Variants in HARBI1 observed in about 807,000 individuals in gnomAD.
HARBI1 encodes harbinger transposase derived 1, also known as putative nuclease HARBI1.
A neutral mutation model predicts 25.3 loss-of-function variants in HARBI1; 15 were observed. That is an observed-to-expected ratio of 0.59 (90% CI 0.40 to 0.91). The LOEUF is 0.91. HARBI1 is among the 40% of genes least tolerant of loss of function. The pLI, the probability that HARBI1 is intolerant of heterozygous loss-of-function variation, is 0.00. For missense variants in HARBI1, 396 were observed against 445.8 expected (o/e 0.89, Z 1.01); for synonymous variants, 168 against 160.5 (o/e 1.05, Z -0.35).
At position 46,615,727 on chromosome 11, in the gene HARBI1, G is replaced by GTTTAAAGGCTCCTATGTGA; in HGVS notation, c.510_511insTCACATAGGAGCCTTTAAA (p.Leu171SerfsTer6). 1 of 1,614,168 alleles carries GTTTAAAGGCTCCTATGTGA rather than the reference G, an allele frequency of 6.2e-7. No individual in the cohort carries two copies. The highest frequency in any genetic ancestry group is 8.5e-7 in the Non-Finnish European group (1 of 1,180,044). ...ACCATCAGGCAGTTTAAAGAATGCA[G>GTTTAAAGGCTCCTATGTGA]GCCTTTTCGGTTCACATAGGAGAGG... On this transcript the variant is annotated stop_gained and frameshift_variant, in exon 2 of 3. Transcript: ENST00000326737. LOFTEE classifies it high-confidence loss of function.
Position 46,616,673 on chromosome 11 carries a change from C to T in HARBI1, c.-144-292G>A, listed in dbSNP as rs571572755. 6.2e-5 allele frequency: 62 copies of T among 999,586 alleles called. 1 individual carries two copies. The South Asian group carries it at 2.4e-3, about 38-fold the overall frequency. The allele number at this position is 999,586 out of a possible 1,614,324, so 61.9% of individuals were successfully genotyped here. On this transcript the variant is annotated intron_variant, in intron 1 of 2. Coordinates refer to ENST00000326737, the MANE Select transcript of HARBI1 (RefSeq NM_173811.4). ...TTATTCACAAGGTAAAAGAGGTCGG[C>T]TTCTAACTATATAGGCCAAGAAGCA...
Position 46,605,748 on chromosome 11 carries a change from C to A in HARBI1, c.671-1839G>T, listed in dbSNP as rs563850927. 5.3e-5 allele frequency among the ~76,000 whole-genome samples: 8 copies of A among 151,658 alleles called. 1 individual carries two copies. Among genetic ancestry groups the A allele is most frequent in the African/African-American group, 1.9e-4 (8 of 41,314 alleles). On this transcript the variant is annotated intron_variant, in intron 2 of 2. Transcript: ENST00000326737. ...GACTACAGGCACACGCCACCACGCCCGGCTAATTTTTTGTGTTTTTAGTAG... is the reference window on the plus strand; with the variant it reads ...GACTACAGGCACACGCCACCACGCCAGGCTAATTTTTTGTGTTTTTAGTAG...
intron 1 of HARBI1, chr11:46,616,582 G>A (rs1348085060): frequency 9.5e-7 from 1 of 1,047,142 alleles, no homozygotes; most frequent in Non-Finnish European, 1.2e-6. Context: ...TTCAATCTTT[G>A]TGGCTCATTT....
chr11:46,607,288 CTTA>C (rs2044993904), intron 2 of HARBI1, among the ~76,000 whole-genome samples: 1 of 149,976 alleles, frequency 6.7e-6, no homozygotes, highest in Admixed American at 6.7e-5. Context: ...AAGATTATCT[CTTA>C]TTATGCAATC....
intron 1 of HARBI1, 115 bp from the exon 2 acceptor site, chr11:46,616,496 T>C: frequency 1.6e-6 from 2 of 1,266,560 alleles, no homozygotes; most frequent in Non-Finnish European, 2.0e-6. Context: ...AAACGTACTG[T>C]ACTTACAACT....
chr11:46,612,811 T>C (rs931108437), intron 2 of HARBI1, among the ~76,000 whole-genome samples: 27 of 146,750 alleles, frequency 1.8e-4, no homozygotes, highest in African/African-American at 6.6e-4. Flanking sequence ...GCTGAGATTA[T>C]AGGTGCCTGC....
At chr11:46,608,299 A>AAACAACAAC (rs527494685) in intron 2 of HARBI1, among the ~76,000 whole-genome samples, 6 of 151,856 alleles carry the variant, frequency 4.0e-5, no homozygotes, top group Admixed American at 6.6e-5. Context: ...ACTCCATCTC[A>AAACAACAAC]AACAACAACA....
chr11:46,603,448 G>A lies in HARBI1; in HGVS notation c.*82C>T, dbSNP rs1242659252. ...AGTATCTGTATACTCAGTCATGCTA[G>A]ATGATGGAACTGTGTAAAAGGTGAT... On this transcript the variant is annotated 3_prime_UTR_variant, in exon 3 of 3. Transcript: ENST00000326737. 5.8e-6 allele frequency: 7 copies of A among 1,201,394 alleles called. No individual in the cohort carries two copies. The African/African-American group carries it at 6.1e-5, about 10-fold the overall frequency. The allele number at this position is 1,201,394 out of a possible 1,614,324, so 74.4% of individuals were successfully genotyped here.
At chr11:46,609,808 G>A (rs2045101249) in intron 2 of HARBI1, among the ~76,000 whole-genome samples, 1 of 149,150 alleles carries the variant, frequency 6.7e-6, no homozygotes, top group Non-Finnish European at 1.5e-5. Flanking sequence ...GCAACACAGT[G>A]AGACCCAGAC....
At chr11:46,617,546 C>A (rs548247208), upstream of HARBI1, 51 of 247,714 alleles carry the variant, frequency 2.1e-4, 1 homozygote, top group Admixed American at 1.2e-3. Context: ...TTTCACCCCC[C>A]CCCCCCGGCC....
At chr11:46,609,805 A>C (rs1004814943) in intron 2 of HARBI1, among the ~76,000 whole-genome samples, 32 of 150,846 alleles carry the variant, frequency 2.1e-4, no homozygotes, top group African/African-American at 7.5e-4. Context: ...TGGGCAACAC[A>C]GTGAGACCCA....
chr11:46,608,295 T>C (rs2045035759), intron 2 of HARBI1, among the ~76,000 whole-genome samples: 1 of 151,318 alleles, frequency 6.6e-6, no homozygotes, highest in Non-Finnish European at 1.5e-5. Flanking sequence ...CGAAACTCCA[T>C]CTCAAACAAC....
intron 2 of HARBI1, among the ~76,000 whole-genome samples, chr11:46,613,792 C>T (rs1305988989): frequency 6.6e-6 from 1 of 151,666 alleles, no homozygotes; most frequent in East Asian, 1.9e-4. Flanking sequence ...AGTATTTTGG[C>T]TTTATTTCAG....
At chr11:46,613,585 C>T (rs1189804169) in intron 2 of HARBI1, among the ~76,000 whole-genome samples, 1 of 148,356 alleles carries the variant, frequency 6.7e-6, no homozygotes, top group Non-Finnish European at 1.5e-5. Flanking sequence ...CAGGTTCAAT[C>T]GATTCTCCTA....
chr11:46,604,014 C>G, intron 2 of HARBI1, 105 bp from the exon 3 acceptor site: 4 of 1,443,358 alleles, frequency 2.8e-6, no homozygotes, highest in Non-Finnish European at 3.6e-6. Context: ...AATACAACAG[C>G]CTCTGGCGCC....
rs1172512255 is a variant in HARBI1 at position 46,615,763 on chromosome 11, T to G, written c.475A>C (p.Asn159His). ...DCIHVAIKAP[N>H]AEDLSYVNRK... ...TTCACATAGGAGAGGTCTTCAGCAT[T>G]TGGTGCCTTGATGGCCACATGGATA... Residue 159 changes from asparagine to histidine, a missense_variant, in exon 2 of 3, where the codon AAT becomes CAT. By Grantham distance (68) the Asn-to-His change is moderately conservative. Coordinates refer to ENST00000326737, the MANE Select transcript of HARBI1 (RefSeq NM_173811.4). The G allele has an allele frequency of 6.2e-7, 1 of 1,614,064 alleles. No homozygotes were observed. The highest frequency in any genetic ancestry group is 1.3e-5 in the African/African-American group (1 of 74,922).
Position 46,615,627 on chromosome 11 carries a change from T to TGCAGC in HARBI1, c.606_610dup (p.Gln204ArgfsTer34), listed in dbSNP as rs2045356452. 6.2e-7 allele frequency: 1 copy of TGCAGC among 1,614,098 alleles called. No individual in the cohort carries two copies. The highest frequency in any genetic ancestry group is 1.7e-5 in the Admixed American group (1 of 59,996). On this transcript the variant is annotated frameshift_variant, in exon 2 of 3. Coordinates refer to ENST00000326737, the MANE Select transcript of HARBI1 (RefSeq NM_173811.4). LOFTEE classifies it high-confidence loss of function. ...AAACTGACTACTGAGGGAAGACTGCTGCAGCACAGCACAGTCCTGTAGGCT... is the reference window on the plus strand; with the variant it reads ...AAACTGACTACTGAGGGAAGACTGCTGCAGCGCAGCACAGCACAGTCCTGTAGGCT...
chr11:46,616,828 G>C, intron 1 of HARBI1: 7 of 219,580 alleles, frequency 3.2e-5, no homozygotes, highest in Non-Finnish European at 3.9e-5. Context: ...AGAAAAGAAG[G>C]GGCAAAAAAA....
intron 2 of HARBI1, among the ~76,000 whole-genome samples, chr11:46,605,201 T>A (rs79677876): frequency 0.017 from 2,661 of 152,280 alleles, 37 homozygotes; most frequent in Non-Finnish European, 0.03. Context: ...ACAGGGCTCA[T>A]TTCTTTTAGG....
Sources: gnomAD v4.1 joint callset for allele counts (sites outside exome capture counted in the v4.1 genomes callset) on GRCh38, gnomAD v4.1.1 for gene constraint, MANE v1.5 for transcripts, NCBI Gene and HGNC (gene_info 2026-07-23, HGNC 2026-07-21) for gene names.